CCNB1: variants seen among roughly 807,000 people sequenced by gnomAD.
CCNB1 encodes G2/mitotic-specific cyclin-B1.
Under a neutral mutation model 44.4 loss-of-function variants are expected in CCNB1, and 26 were observed. The observed-to-expected ratio is 0.59, with a 90% CI of 0.43 to 0.81. The LOEUF (loss-of-function observed/expected upper bound fraction) is 0.81, where lower values mean the gene tolerates loss of function less well. CCNB1 is among the 40% of genes least tolerant of loss of function. The probability of loss-of-function intolerance (pLI) is 0.00; values close to 1 mark genes in which losing one functional copy is unlikely to be tolerated. For missense variants in CCNB1, 477 were observed against 520.9 expected (o/e 0.92, Z 0.82); for synonymous variants, 195 against 181.4 (o/e 1.08, Z -0.60).
Position 69,174,925 on chromosome 5 carries a change from A to G in CCNB1, c.754A>G (p.Met252Val), listed in dbSNP as rs772787353. The G allele has an allele frequency of 2.5e-6, 4 of 1,614,082 alleles. No homozygotes were observed. The highest frequency in any genetic ancestry group is 3.4e-6 in the Non-Finnish European group (4 of 1,180,052). The change falls in exon 6 of 9, where the codon ATG becomes GTG. Residue 252 changes from methionine (M) to valine (V), a missense_variant. Coordinates refer to ENST00000256442, the MANE Select transcript of CCNB1 (RefSeq NM_031966.4). ...KMLQLVGVTA[M>V]FIASKYEEMY... is the part of the protein sequence containing the mutation. ...GCTGCAGCTGGTTGGTGTCACTGCCATGTTTATTGCAAGCAAATATGAAGA... is the reference window on the plus strand; with the variant it reads ...GCTGCAGCTGGTTGGTGTCACTGCCGTGTTTATTGCAAGCAAATATGAAGA...
intron 3 of CCNB1, among the ~76,000 whole-genome samples, chr5:69,170,957 CTTT>C (rs920138688): frequency 6.6e-6 from 1 of 151,840 alleles, no homozygotes; most frequent in African/African-American, 2.4e-5. Flanking sequence ...TCACTTTTTT[CTTT>C]TTTAACAGAG....
At chr5:69,167,316 C>A in intron 1 of CCNB1, 33 bp downstream of exon 1, 2 of 1,602,486 alleles carry the variant, frequency 1.2e-6, no homozygotes, top group South Asian at 2.2e-5. Flanking sequence ...CTAACGCGGC[C>A]TTCTTAGCTG....
intron 1 of CCNB1, 29 bp downstream of exon 1, chr5:69,167,312 CG>C: frequency 6.2e-7 from 1 of 1,601,788 alleles, no homozygotes; most frequent in South Asian, 1.1e-5. Context: ...CGAACTAACG[CG>C]GCCTTCTTAG....
chr5:69,175,457 G>T lies in CCNB1; in HGVS notation c.1003G>T (p.Asp335Tyr), dbSNP rs542056300. 38 of 1,614,070 alleles carry T rather than the reference G, an allele frequency of 2.4e-5. 1 individual carries two copies. The Middle Eastern group carries it at 4.9e-4, about 21-fold the overall frequency. ...GATGGAACTAACTATGTTGGACTAT[G>T]ACATGGTGCACTTTCCTCCTTCTCA... is the stretch of plus-strand genomic sequence containing the variant. The part of the protein sequence containing the change: ...YLMELTMLDY[D>Y]MVHFPPSQIA... Residue 335 changes from aspartate to tyrosine, a missense_variant, in exon 7 of 9, where the codon GAC becomes TAC. Transcript: ENST00000256442.
intron 7 of CCNB1, among the ~76,000 whole-genome samples, chr5:69,175,981 A>T (rs973250319): frequency 2.3e-5 from 2 of 87,670 alleles, no homozygotes; most frequent in African/African-American, 9.8e-5. Context: ...AAAATATATA[A>T]AATATATATA....
chr5:69,174,301 A>C lies in CCNB1; in HGVS notation c.597A>C (p.Gly199=), dbSNP rs755245029. The change falls in exon 5 of 9, where the codon GGA becomes GGC. Residue 199 remains glycine (G), a synonymous_variant. Coordinates refer to ENST00000256442, the MANE Select transcript of CCNB1 (RefSeq NM_031966.4). ...ACCTACTGGGTCGGGAAGTCACTGG[A>C]AACATGAGAGCCATCCTAATTGACT... The part of the protein sequence containing the change: ...PKYLLGREVT[G]NMRAILIDWL... The C allele has an allele frequency of 1.1e-4, 175 of 1,614,022 alleles. No individual in the cohort carries two copies. Among genetic ancestry groups the C allele is most frequent in the Non-Finnish European group, 1.4e-4 (169 of 1,180,022 alleles).
intron 3 of CCNB1, among the ~76,000 whole-genome samples, chr5:69,169,083 C>A (rs395122): frequency 4.6e-5 from 7 of 151,496 alleles, no homozygotes; most frequent in East Asian, 1.9e-4. Context: ...CTGAAAAAAA[C>A]TTGTTGAGAC....
rs1246070919 is a variant in CCNB1, at chr5:69,174,233, C to G, written c.547-18C>G. On this transcript the variant is annotated intron_variant, in intron 4 of 8. Coordinates refer to ENST00000256442, the MANE Select transcript of CCNB1 (RefSeq NM_031966.4). Reference sequence around the variant, plus strand: ...ATGGAGTCATGTTTCTAAGAATAATCAGCATTTTCTTTTGCAGGAAGAGCA... The same window carrying G: ...ATGGAGTCATGTTTCTAAGAATAATGAGCATTTTCTTTTGCAGGAAGAGCA... 3 of 1,612,004 alleles carry G rather than the reference C, an allele frequency of 1.9e-6. No homozygotes were observed. In the South Asian group the frequency reaches 3.3e-5, roughly 18 times the overall value.
At chr5:69,169,011 A>C (rs1747402265) in intron 3 of CCNB1, among the ~76,000 whole-genome samples, 1 of 152,212 alleles carries the variant, frequency 6.6e-6, no homozygotes. Flanking sequence ...ATGAAATTGC[A>C]ATGAACTGTA....
rs1465199322 is a variant in CCNB1 at position 69,177,837 on chromosome 5, C to T, written c.*206C>T. 1.2e-5 allele frequency: 6 copies of T among 485,890 alleles called. No individual in the cohort carries two copies. Among genetic ancestry groups the T allele is most frequent in the African/African-American group, 2.0e-5 (1 of 51,140 alleles). The allele number at this position is 485,890 out of a possible 1,614,324, so 30.1% of individuals were successfully genotyped here. The stretch of plus-strand genomic sequence containing the variant: ...GGTATGGTGGGGATATTTTTAAAAA[C>T]TCCTTTTGGTTTACCTGGGGATCCA... On this transcript the variant is annotated 3_prime_UTR_variant, in exon 9 of 9. Coordinates refer to ENST00000256442, the MANE Select transcript of CCNB1 (RefSeq NM_031966.4).
At chr5:69,174,785 C>T (rs1042095940) in intron 5 of CCNB1, 92 bp from the exon 6 acceptor site, 45 of 939,284 alleles carry the variant, frequency 4.8e-5, no homozygotes, top group Non-Finnish European at 6.9e-5. Flanking sequence ...TAAGATTTTG[C>T]TATGGGAGAA....
At chr5:69,173,659 T>C (rs552752964) in intron 4 of CCNB1, among the ~76,000 whole-genome samples, 2 of 152,306 alleles carry the variant, frequency 1.3e-5, no homozygotes, top group East Asian at 3.9e-4. Context: ...GATAATGTAG[T>C]ATCTTTATTT....
At chr5:69,168,409 G>T in intron 3 of CCNB1, 66 bp downstream of exon 3, 1 of 1,551,244 alleles carries the variant, frequency 6.4e-7, no homozygotes, top group South Asian at 1.1e-5. Flanking sequence ...ACTGATACAT[G>T]CAAGAGCATT....
rs746029551 is a variant in CCNB1, at chr5:69,171,375, G to A, written c.469G>A (p.Asp157Asn). 4.3e-6 allele frequency: 7 copies of A among 1,614,028 alleles called. No individual in the cohort carries two copies. In the South Asian group the frequency reaches 7.7e-5, roughly 18 times the overall value. The change falls in exon 4 of 9, where the codon GAT becomes AAT. Residue 157 changes from aspartate (D) to asparagine (N), a missense_variant. Transcript: ENST00000256442. ...TGTAATTCTTGCAGTAAATGATGTG[G>A]ATGCAGAAGATGGAGCTGATCCAAA... ...SDVILAVNDV[D>N]AEDGADPNLC...
chr5:69,176,469 G>A (rs187327980), intron 7 of CCNB1, among the ~76,000 whole-genome samples: 5,288 of 151,334 alleles, frequency 0.035, 317 homozygotes, highest in African/African-American at 0.12. Flanking sequence ...CCATTCTCCT[G>A]CCTCAGCCTC....
At chr5:69,170,612 T>C (rs1326981127) in intron 3 of CCNB1, among the ~76,000 whole-genome samples, 3 of 152,206 alleles carry the variant, frequency 2.0e-5, no homozygotes, top group Non-Finnish European at 4.4e-5. Flanking sequence ...ATTTATTTGC[T>C]TCCAACTTTA....
At chr5:69,175,984 T>A (rs1317043341) in intron 7 of CCNB1, among the ~76,000 whole-genome samples, 6 of 55,350 alleles carry the variant, frequency 1.1e-4, no homozygotes, top group African/African-American at 2.4e-4. Flanking sequence ...ATATATAAAA[T>A]ATATATATAT....
intron 4 of CCNB1, among the ~76,000 whole-genome samples, 192 bp downstream of exon 4, chr5:69,171,644 G>C (rs766846332): frequency 4.1e-4 from 62 of 152,152 alleles, no homozygotes; most frequent in Non-Finnish European, 8.1e-4. Flanking sequence ...TTGTCACTTT[G>C]TGCAGGAAAG....
In CCNB1 at chr5:69,167,920, A is replaced by C; in HGVS notation, c.34A>C (p.Asn12His). 1 of 1,608,600 alleles carries C rather than the reference A, an allele frequency of 6.2e-7. No homozygotes were observed. The highest frequency in any genetic ancestry group is 8.5e-7 in the Non-Finnish European group (1 of 1,178,612). The change falls in exon 2 of 9, where the codon AAT becomes CAT. Residue 12 changes from asparagine to histidine, a missense_variant. Asn to His is a moderately conservative substitution (Grantham distance 68). Coordinates refer to ENST00000256442, the MANE Select transcript of CCNB1 (RefSeq NM_031966.4). ...ALRVTRNSKI[N>H]AENKAKINMA... ...TTGCTTCTTTCAGAACTCGAAAATT[A>C]ATGCTGAAAATAAGGCGAAGATCAA...
Sources: allele counts gnomAD v4.1 joint callset (sites outside exome capture counted in the v4.1 genomes callset), GRCh38; gene constraint gnomAD v4.1.1; transcripts MANE v1.5; gene names NCBI Gene and HGNC (gene_info 2026-07-23, HGNC 2026-07-21).